Variants in ODAD2 observed in about 807,000 individuals in gnomAD.
ODAD2 encodes the protein outer dynein arm-docking complex subunit 2.
Under a neutral mutation model 106.8 loss-of-function variants are expected in ODAD2, and 89 were observed. The ratio of observed to expected loss-of-function variants is 0.83; its 90% CI spans 0.70 to 0.99. ODAD2 has a LOEUF of 0.99. Ranked by LOEUF, ODAD2 falls within the 50% of genes least tolerant of loss-of-function variation. ODAD2 has a pLI of 0.00. For missense variants in ODAD2, 1,168 were observed against 1,238.5 expected, an observed-to-expected ratio of 0.94 and a Z score of 0.85; for synonymous variants, 404 against 436.2, an observed-to-expected ratio of 0.93 and a Z score of 0.92.
chr10:27,934,288 T>C (rs1845811226), intron 16 of ODAD2, among the ~76,000 whole-genome samples: 1 of 151,936 alleles, frequency 6.6e-6, no homozygotes, highest in African/African-American at 2.4e-5. Context: ...CTCCCCACAC[T>C]TCCTGTTGGT....
At chr10:27,885,509 CAAAAAA>C (rs781326915) in intron 17 of ODAD2, among the ~76,000 whole-genome samples, 511 of 19,768 alleles carry the variant, frequency 0.026, 8 homozygotes, top group African/African-American at 0.037. Context: ...GACTCCATCT[CAAAAAA>C]AAAAAAAAAA....
rs199651496 is a variant in ODAD2 at position 27,998,449 on chromosome 10, CTG to C, written c.-39+543_-39+544del. Among the ~76,000 whole-genome samples, 1,025 of 152,128 alleles carry C rather than the reference CTG, an allele frequency of 6.7e-3. 35 individuals carry two copies. Among genetic ancestry groups the C allele is most frequent in the Admixed American group, 0.061 (931 of 15,282 alleles). ...ACCACGCTGGGAGCGGGAGGCAGAG[CTG>C]CAAAGGGCGGAGGAGAAAGACGGGC... On this transcript the variant is annotated intron_variant, in intron 1 of 19. Transcript: ENST00000305242.
At chr10:27,998,353 C>A (rs2133256007) in intron 1 of ODAD2, among the ~76,000 whole-genome samples, 1 of 152,128 alleles carries the variant, frequency 6.6e-6, no homozygotes, top group Middle Eastern at 3.4e-3. Flanking sequence ...AAGAAGGGGG[C>A]GTCAGAGCTG....
In ODAD2 at chr10:27,812,291, C is replaced by T; in HGVS notation, c.*221G>A. 3.9e-6 allele frequency: 2 copies of T among 515,884 alleles called. No homozygotes were observed. Among genetic ancestry groups the T allele is most frequent in the Non-Finnish European group, 3.3e-6 (1 of 298,702 alleles). 32.0% of individuals were successfully genotyped at this position (515,884 alleles called of 1,614,324 possible). ...ACTTATCACAGGTTTATTGGCTTTC[C>T]ATCTTATCACATGTCATATCTCGAA... On this transcript the variant is annotated 3_prime_UTR_variant, in exon 20 of 20. Transcript: ENST00000305242.
intron 15 of ODAD2, 113 bp from the exon 16 acceptor site, chr10:27,935,365 C>T (rs541040117): frequency 7.5e-7 from 1 of 1,330,838 alleles, no homozygotes; most frequent in Admixed American, 2.3e-5. Context: ...TTATTAAATC[C>T]CCATTACTGG....
In ODAD2 at chr10:27,913,456, A is replaced by T. The variant is rs376465792; in HGVS notation, c.2496-5679T>A. ...CTCTATGCATGTTGTTGCAAAAACA[A>T]TTACAACAGAATAAAAATGGACAAA... On this transcript the variant is annotated intron_variant, in intron 16 of 19. Coordinates refer to ENST00000305242, the MANE Select transcript of ODAD2 (RefSeq NM_018076.5). 4.6e-5 allele frequency among the ~76,000 whole-genome samples: 7 copies of T among 152,316 alleles called. No individual in the cohort carries two copies. In the East Asian group the frequency reaches 1.2e-3, roughly 25 times the overall value.
At chr10:27,998,519 C>A (rs1850691420) in intron 1 of ODAD2, among the ~76,000 whole-genome samples, 1 of 151,730 alleles carries the variant, frequency 6.6e-6, no homozygotes, top group African/African-American at 2.4e-5. Flanking sequence ...AAGTGGAGAG[C>A]GGATCCGGGA....
chr10:27,818,107 C>A lies in ODAD2; in HGVS notation c.3022-5482G>T, dbSNP rs147657340. On this transcript the variant is annotated intron_variant, in intron 19 of 19. Transcript: ENST00000305242. ...TCACTACCAAATAATTGAATGTGAGCGCTGCCAGCCTGGATGCCAATGGAT... is the reference window on the plus strand; with the variant it reads ...TCACTACCAAATAATTGAATGTGAGAGCTGCCAGCCTGGATGCCAATGGAT... Among the ~76,000 whole-genome samples the A allele has an allele frequency of 6.6e-5, 10 of 151,180 alleles. No individual in the cohort carries two copies. In the South Asian group the frequency reaches 1.5e-3, roughly 23 times the overall value.
At chr10:27,935,521 C>T (rs1366436352) in intron 15 of ODAD2, among the ~76,000 whole-genome samples, 1 of 152,114 alleles carries the variant, frequency 6.6e-6, no homozygotes, top group Non-Finnish European at 1.5e-5. Context: ...TTCCACTCTA[C>T]TAGGGTTTTT....
At chr10:27,963,890 T>C (rs1848321804) in intron 9 of ODAD2, among the ~76,000 whole-genome samples, 1 of 152,106 alleles carries the variant, frequency 6.6e-6, no homozygotes, top group Non-Finnish European at 1.5e-5. Flanking sequence ...CAACAATCTA[T>C]GAGGTTGTCA....
At chr10:27,885,737 T>TATTATATATTATCTATAAAA (rs1367530369) in intron 17 of ODAD2, among the ~76,000 whole-genome samples, 1 of 47,486 alleles carries the variant, frequency 2.1e-5, no homozygotes. Flanking sequence ...ATAAAATATA[T>TATTATATATTATCTATAAAA]TATGTTATAT....
At chr10:27,858,299 C>G (rs1252728749) in intron 19 of ODAD2, among the ~76,000 whole-genome samples, 4 of 152,146 alleles carry the variant, frequency 2.6e-5, no homozygotes, top group African/African-American at 9.7e-5. Flanking sequence ...GGGCTCAGAA[C>G]AGAGTAGGAA....
At chr10:27,917,595 G>A (rs1399395466) in intron 16 of ODAD2, among the ~76,000 whole-genome samples, 1 of 151,944 alleles carries the variant, frequency 6.6e-6, no homozygotes, top group Non-Finnish European at 1.5e-5. Context: ...TCTTTTAAAA[G>A]GTGAATAAAA....
intron 17 of ODAD2, among the ~76,000 whole-genome samples, chr10:27,899,300 CA>C (rs1843043088): frequency 6.6e-6 from 1 of 152,088 alleles, no homozygotes; most frequent in Non-Finnish European, 1.5e-5. Flanking sequence ...ACACTTTTCC[CA>C]CGGTCTTTGC....
chr10:27,821,677 T>C (rs552293638), intron 19 of ODAD2, among the ~76,000 whole-genome samples: 1 of 152,204 alleles, frequency 6.6e-6, no homozygotes, highest in Non-Finnish European at 1.5e-5. Context: ...CTCTTTGTCA[T>C]AATTACATAA....
Position 27,902,290 on chromosome 10 carries a change from G to A in ODAD2, c.2610+5373C>T, listed in dbSNP as rs114236526. On this transcript the variant is annotated intron_variant, in intron 17 of 19. Transcript: ENST00000305242. ...AATGACACAGCGTACCAGAATCTATGGGAAATAGCTAAAGCAGTGTTTAGA... is the reference window on the plus strand; with the variant it reads ...AATGACACAGCGTACCAGAATCTATAGGAAATAGCTAAAGCAGTGTTTAGA... Among the ~76,000 whole-genome samples the A allele has an allele frequency of 6.5e-3, 988 of 152,256 alleles. 14 individuals are homozygous for A. The highest frequency in any genetic ancestry group is 0.023 in the African/African-American group (947 of 41,554).
At chr10:27,813,400 T>A (rs1211473283) in intron 19 of ODAD2, 6 of 152,362 alleles carry the variant, frequency 3.9e-5, no homozygotes, top group African/African-American at 9.6e-5. Flanking sequence ...TTTCAACAGA[T>A]AATTGGCTTA....
chr10:27,931,667 T>G (rs1845627155), intron 16 of ODAD2, among the ~76,000 whole-genome samples: 1 of 151,054 alleles, frequency 6.6e-6, no homozygotes. Flanking sequence ...ATCTAATACT[T>G]GCTTAAAACA....
rs562361447 is a variant in ODAD2 at position 27,885,308 on chromosome 10, G to A, written c.2610+22355C>T. Among the ~76,000 whole-genome samples, 439 of 149,442 alleles carry A rather than the reference G, an allele frequency of 2.9e-3. 2 individuals are homozygous for A. The highest frequency in any genetic ancestry group is 9.9e-3 in the African/African-American group (404 of 40,664). ...GGGCAGATCACGAGATCAAGAGATC[G>A]AAACCATCCTGGCCAACGTGGTGAA... On this transcript the variant is annotated intron_variant, in intron 17 of 19. Coordinates refer to ENST00000305242, the MANE Select transcript of ODAD2 (RefSeq NM_018076.5).
Sources: gnomAD v4.1 joint callset for allele counts (sites outside exome capture counted in the v4.1 genomes callset) on GRCh38, gnomAD v4.1.1 for gene constraint, MANE v1.5 for transcripts, NCBI Gene and HGNC (gene_info 2026-07-23, HGNC 2026-07-21) for gene names.